The following RBM34 variants were observed in gnomAD, a reference collection of about 807,000 sequenced individuals.
The protein encoded by RBM34 is RNA binding motif protein 34.
Under a neutral mutation model 44.6 loss-of-function variants are expected in RBM34, and 39 were observed. The observed-to-expected ratio is 0.87, with a 90% CI of 0.68 to 1.14. The LOEUF (loss-of-function observed/expected upper bound fraction) is 1.14. RBM34 is among the 50% of genes most tolerant of loss of function. RBM34 has a pLI of 0.00. For synonymous variants in RBM34, 194 were observed against 184.0 expected (o/e 1.05, Z -0.44); for missense variants, 572 against 517.9 (o/e 1.10, Z -1.01).
At chr1:235,141,690 A>T (rs1661688986) in intron 6 of RBM34, among the ~76,000 whole-genome samples, 1 of 152,124 alleles carries the variant, frequency 6.6e-6, no homozygotes, top group Admixed American at 6.5e-5. Flanking sequence ...CACCGCAAAG[A>T]TCTGCAGCTT....
Position 235,149,155 on chromosome 1 carries a change from A to G in RBM34, c.658-708T>C, listed in dbSNP as rs181086540. Reference sequence around the variant, plus strand: ...TGTAATCCCAGCACTTTGGGAGGCCAAGGCGGGCGGATCACGAGGTCAGGA... The same window carrying G: ...TGTAATCCCAGCACTTTGGGAGGCCGAGGCGGGCGGATCACGAGGTCAGGA... On this transcript the variant is annotated intron_variant, in intron 5 of 10. Transcript: ENST00000408888. Among the ~76,000 whole-genome samples the G allele has an allele frequency of 3.8e-3, 575 of 151,722 alleles. 4 individuals carry two copies. The highest frequency in any genetic ancestry group is 0.011 in the African/African-American group (462 of 41,454).
chr1:235,133,158 A>G (rs746544157), intron 10 of RBM34, among the ~76,000 whole-genome samples: 4 of 152,146 alleles, frequency 2.6e-5, no homozygotes, highest in Non-Finnish European at 5.9e-5. Context: ...CCTGAGAAAC[A>G]TGGTGAATCC....
intron 2 of RBM34, 66 bp from the exon 3 acceptor site, chr1:235,160,713 T>A: frequency 2.6e-6 from 4 of 1,557,690 alleles, no homozygotes; most frequent in Non-Finnish European, 3.5e-6. Flanking sequence ...TAAGCCATAA[T>A]TCAGTCTTTC....
intron 6 of RBM34, among the ~76,000 whole-genome samples, chr1:235,140,079 C>G (rs1024283921): frequency 6.6e-6 from 1 of 152,244 alleles, no homozygotes; most frequent in African/African-American, 2.4e-5. Flanking sequence ...GTGGGAAAGG[C>G]ACAAAGCCCC....
At chr1:235,149,496 T>A (rs1370597359) in intron 5 of RBM34, among the ~76,000 whole-genome samples, 1 of 152,040 alleles carries the variant, frequency 6.6e-6, no homozygotes, top group Non-Finnish European at 1.5e-5. Context: ...ACTGAACTGA[T>A]GAATAATATA....
At chr1:235,160,282 A>G (rs767222868) in intron 3 of RBM34, 21 of 670,598 alleles carry the variant, frequency 3.1e-5, no homozygotes, top group South Asian at 3.0e-4. Flanking sequence ...ATGAGGGGGT[A>G]TATGAGTGGG....
At chr1:235,134,746 T>TG (rs201629562) in intron 10 of RBM34, among the ~76,000 whole-genome samples, 1,662 of 100,238 alleles carry the variant, frequency 0.017, 30 homozygotes, top group African/African-American at 0.056. Flanking sequence ...CGTTTTCGGG[T>TG]TTTTTTTTTT....
At chr1:235,150,925 T>C (rs1662131416) in intron 5 of RBM34, among the ~76,000 whole-genome samples, 1 of 151,614 alleles carries the variant, frequency 6.6e-6, no homozygotes, top group Non-Finnish European at 1.5e-5. Context: ...GTGAGGGGTG[T>C]GTGTGTGGCG....
intron 7 of RBM34, 40 bp downstream of exon 7, chr1:235,138,051 T>C (rs775519608): frequency 6.4e-6 from 10 of 1,566,910 alleles, no homozygotes; most frequent in East Asian, 2.2e-5. Context: ...TACATACTTA[T>C]AGGACAATTA....
chr1:235,131,602 T>C lies in RBM34; in HGVS notation c.*111A>G, dbSNP rs1661198700. The C allele has an allele frequency of 8.5e-7, 1 of 1,177,488 alleles. No individual in the cohort carries two copies. The highest frequency in any genetic ancestry group is 1.2e-6 in the Non-Finnish European group (1 of 835,368). The allele number at this position is 1,177,488 out of a possible 1,614,324, so 72.9% of individuals were successfully genotyped here. Reference sequence around the variant, plus strand: ...AAGTCTCCACATTTCACATACACCATCCATAAAGAAGTATAAAACTCAACA... The same window carrying C: ...AAGTCTCCACATTTCACATACACCACCCATAAAGAAGTATAAAACTCAACA... On this transcript the variant is annotated 3_prime_UTR_variant, in exon 11 of 11. Coordinates refer to ENST00000408888, the MANE Select transcript of RBM34 (RefSeq NM_015014.4).
chr1:235,138,203 GAAAA>G, intron 6 of RBM34, 29 bp from the exon 7 acceptor site: 1 of 1,512,080 alleles, frequency 6.6e-7, no homozygotes, highest in African/African-American at 1.4e-5. Context: ...AAGAAAGAAA[GAAAA>G]GAGAGACAAG....
In RBM34 at chr1:235,137,922, T is replaced by G. The variant is rs1661495404; in HGVS notation, c.804A>C (p.Ala268=). 7.5e-6 allele frequency: 12 copies of G among 1,605,146 alleles called. No individual in the cohort carries two copies. Among genetic ancestry groups the G allele is most frequent in the Non-Finnish European group, 9.4e-6 (11 of 1,173,398 alleles). ...GATCAACTCTAATACGAAATCCATCTGCAATCTGGGCCCCATTTCTGTATT... is the reference window on the plus strand; with the variant it reads ...GATCAACTCTAATACGAAATCCATCGGCAATCTGGGCCCCATTTCTGTATT... ...QALKRNGAQI[A]DGFRIRVDLA... is the part of the protein sequence containing the mutation. Residue 268 remains alanine, a synonymous_variant, in exon 8 of 11, where the codon GCA becomes GCC. Coordinates refer to ENST00000408888, the MANE Select transcript of RBM34 (RefSeq NM_015014.4).
At chr1:235,135,983 C>A in intron 9 of RBM34, 51 bp downstream of exon 9, 1 of 1,428,674 alleles carries the variant, frequency 7.0e-7, no homozygotes, top group Non-Finnish European at 9.6e-7. Flanking sequence ...GTTCTTATTT[C>A]CTTGTTATTT....
chr1:235,153,124 C>T (rs1034951164), intron 4 of RBM34, among the ~76,000 whole-genome samples: 2 of 152,126 alleles, frequency 1.3e-5, no homozygotes, highest in Non-Finnish European at 2.9e-5. Context: ...ACCACATCAG[C>T]CTCTTCAAGT....
intron 6 of RBM34, 69 bp from the exon 7 acceptor site, chr1:235,138,243 T>C (rs1419622103): frequency 1.5e-6 from 2 of 1,306,152 alleles, no homozygotes; most frequent in African/African-American, 1.5e-5. Context: ...TCAAAGTCAC[T>C]AGAAAAAAAT....
chr1:235,133,504 ATTTAAG>A (rs1206592961), intron 10 of RBM34, among the ~76,000 whole-genome samples: 1 of 152,240 alleles, frequency 6.6e-6, no homozygotes, highest in Admixed American at 6.5e-5. Context: ...TGTAAATATA[ATTTAAG>A]TTCACAGAGA....
intron 10 of RBM34, among the ~76,000 whole-genome samples, chr1:235,133,045 A>G (rs1256322901): frequency 6.6e-6 from 1 of 152,126 alleles, no homozygotes; most frequent in African/African-American, 2.4e-5. Flanking sequence ...ACTTTTGGGG[A>G]AAAAAACATA....
chr1:235,155,693 C>T (rs1437656441), intron 3 of RBM34, among the ~76,000 whole-genome samples: 2 of 148,578 alleles, frequency 1.3e-5, no homozygotes, highest in Admixed American at 6.7e-5. Context: ...TTAGTAAAGA[C>T]GGGGTTTCAC....
At chr1:235,159,420 C>T (rs1045124626) in intron 3 of RBM34, among the ~76,000 whole-genome samples, 1 of 151,446 alleles carries the variant, frequency 6.6e-6, no homozygotes, top group African/African-American at 2.4e-5. Context: ...TGTGATGGCG[C>T]GCCCATAGTC....
Sources: gnomAD v4.1 joint callset for allele counts (sites outside exome capture counted in the v4.1 genomes callset) on GRCh38, gnomAD v4.1.1 for gene constraint, MANE v1.5 for transcripts, NCBI Gene and HGNC (gene_info 2026-07-23, HGNC 2026-07-21) for gene names.